Variants in NEFH observed in about 807,000 individuals in gnomAD.
NEFH encodes the protein neurofilament heavy polypeptide.
Under a neutral mutation model 56.6 loss-of-function variants are expected in NEFH, and 58 were observed. That is an observed-to-expected ratio of 1.03 (90% confidence interval 0.83 to 1.28). The LOEUF (loss-of-function observed/expected upper bound fraction) is 1.28, where lower values mean the gene tolerates loss of function less well. Ranked by LOEUF, NEFH falls within the 50% of genes most tolerant of loss-of-function variation. The pLI, the probability that NEFH is intolerant of heterozygous loss-of-function variation, is 0.00. For missense variants in NEFH, 1,221 were observed against 1,307.6 expected, an observed-to-expected ratio of 0.93 and a Z score of 1.02; for synonymous variants, 542 against 545.8, an observed-to-expected ratio of 0.99 and a Z score of 0.10.
In NEFH at chr22:29,483,430, A is replaced by T. The variant is rs754015724; in HGVS notation, c.939A>T (p.Ser313=). The change falls in exon 2 of 4, where the codon TCA becomes TCT. Residue 313 remains serine (S), a synonymous_variant. Transcript: ENST00000310624. ...AAKVNTDAMR[S]AQEEITEYRR... Reference sequence around the variant, plus strand: ...AGGTGAACACAGACGCTATGCGCTCAGCGCAGGAGGAGATAACTGAGTACC... The same window carrying T: ...AGGTGAACACAGACGCTATGCGCTCTGCGCAGGAGGAGATAACTGAGTACC... The T allele has an allele frequency of 1.5e-5, 25 of 1,613,868 alleles. No homozygotes were observed.
In NEFH at chr22:29,490,056, G is replaced by C; in HGVS notation, c.2416G>C (p.Asp806His). ...PEKAKSPLKE[D>H]AKAPEKEIPK... The stretch of plus-strand genomic sequence containing the variant: ...GAAGGCGAAATCTCCCCTGAAGGAG[G>C]ATGCCAAGGCCCCTGAGAAGGAGAT... The change falls in exon 4 of 4, where the codon GAT (aspartate) becomes CAT (histidine). Residue 806 changes from aspartate (D) to histidine (H), a missense_variant. Asp to His is a moderately conservative substitution (Grantham distance 81). Transcript: ENST00000310624. 2 of 1,613,954 alleles carry C rather than the reference G, an allele frequency of 1.2e-6. No homozygotes were observed. The highest frequency in any genetic ancestry group is 2.2e-5 in the South Asian group (2 of 91,068).
Position 29,489,897 on chromosome 22 carries a change from C to T in NEFH, c.2257C>T (p.Pro753Ser). The T allele has an allele frequency of 6.2e-7, 1 of 1,613,594 alleles. No individual in the cohort carries two copies. Among genetic ancestry groups the T allele is most frequent in the Non-Finnish European group, 8.5e-7 (1 of 1,179,938 alleles). ...TAAGTCCCCAGAGAAGGCCAAGTCC[C>T]CAGAGAAGGCCAAGACTCTTGATGT... ...EAKSPEKAKS[P>S]EKAKTLDVKS... The change falls in exon 4 of 4, where the codon CCA becomes TCA. Residue 753 changes from proline (P) to serine (S), a missense_variant. Pro to Ser is a moderately conservative substitution (Grantham distance 74). Around this residue, in one of 4 missense-constraint regions of NEFH, gnomAD observed 301 missense variants for 346.6 expected, o/e 0.87. Coordinates refer to ENST00000310624, the MANE Select transcript of NEFH (RefSeq NM_021076.4).
In NEFH at chr22:29,480,251, C is replaced by G. The variant is rs1348943209; in HGVS notation, c.-12C>G. ...TCCCGCCCCGTCCCGGCCTCGCGCA[C>G]CTGCTCAGGCCATGATGAGCTTCGG... On this transcript the variant is annotated 5_prime_UTR_variant, in exon 1 of 4. Transcript: ENST00000310624. The G allele has an allele frequency of 3.3e-6, 5 of 1,502,436 alleles. No homozygotes were observed. In the South Asian group the frequency reaches 5.0e-5, roughly 15 times the overall value. 93.1% of individuals were successfully genotyped at this position (1,502,436 alleles called of 1,614,324 possible). A position where few individuals can be genotyped will look rare whatever the true frequency, so the allele number is the denominator to read the frequency against.
chr22:29,488,992 A>G lies in NEFH; in HGVS notation c.1352A>G (p.Glu451Gly). Residue 451 changes from glutamate (E) to glycine (G), a missense_variant, in exon 4 of 4, where the codon GAG becomes GGG. By Grantham distance (98) the Glu-to-Gly change is moderately conservative. Transcript: ENST00000310624. ...EEKIKVVEKSEKETVIVEEQT... is the reference protein window; with the variant it reads ...EEKIKVVEKSGKETVIVEEQT... ...AAGATCAAAGTGGTGGAGAAGTCTG[A>G]GAAAGAAACTGTGATTGTGGAGGAA... The G allele has an allele frequency of 6.2e-7, 1 of 1,614,244 alleles. No individual in the cohort carries two copies. The highest frequency in any genetic ancestry group is 1.3e-5 in the African/African-American group (1 of 75,066).
In NEFH at chr22:29,491,337, A is replaced by G. The variant is rs986415263; in HGVS notation, c.*634A>G. On this transcript the variant is annotated 3_prime_UTR_variant, in exon 4 of 4. Coordinates refer to ENST00000310624, the MANE Select transcript of NEFH (RefSeq NM_021076.4). ...TCCCTGGGAAGGCTGGGGGCAGGGC[A>G]GGGGAGGTCTGGATGTGACACCCCA... 1.0e-5 allele frequency: 2 copies of G among 195,342 alleles called. No individual in the cohort carries two copies. The highest frequency in any genetic ancestry group is 9.8e-5 in the South Asian group (1 of 10,222). The allele number at this position is 195,342 out of a possible 1,614,324, so 12.1% of individuals were successfully genotyped here.
chr22:29,490,830 G>C lies in NEFH; in HGVS notation c.*127G>C, dbSNP rs1264160876. 1.3e-6 allele frequency: 2 copies of C among 1,522,454 alleles called. No individual in the cohort carries two copies. Among genetic ancestry groups the C allele is most frequent in the African/African-American group, 1.4e-5 (1 of 72,668 alleles). The allele number at this position is 1,522,454 out of a possible 1,614,324, so 94.3% of individuals were successfully genotyped here. A position where few individuals can be genotyped will look rare whatever the true frequency, so the allele number is the denominator to read the frequency against. On this transcript the variant is annotated 3_prime_UTR_variant, in exon 4 of 4. Coordinates refer to ENST00000310624, the MANE Select transcript of NEFH (RefSeq NM_021076.4). ...AAGAAGAAACTGCTTAGATGACGGG[G>C]CCTCCTTCTTCAAACAGGAATTTCT...
At chr22:29,486,213 CAG>C (rs926446727) in intron 3 of NEFH, among the ~76,000 whole-genome samples, 5 of 150,490 alleles carry the variant, frequency 3.3e-5, no homozygotes, top group Non-Finnish European at 5.9e-5. Flanking sequence ...TTAGTAGAAA[CAG>C]GGTTTCACCA....
At position 29,480,673 on chromosome 22, in the gene NEFH, G is replaced by T. The variant is rs1192029109; in HGVS notation, c.411G>T (p.Ala137=). ...CTGCGGCGCTGCGGCAGCAGCAGGC[G>T]GGCCGCTCCGCTATGGGCGAGCTGT... ...GEAAALRQQQ[A]GRSAMGELYE... Residue 137 remains alanine (A), a synonymous_variant, in exon 1 of 4, where the codon GCG becomes GCT. Coordinates refer to ENST00000310624, the MANE Select transcript of NEFH (RefSeq NM_021076.4). 5.2e-6 allele frequency: 8 copies of T among 1,545,738 alleles called. No homozygotes were observed. The highest frequency in any genetic ancestry group is 1.4e-5 in the African/African-American group (1 of 73,660).
At chr22:29,487,760 G>A (rs1445520537) in intron 3 of NEFH, among the ~76,000 whole-genome samples, 6 of 150,694 alleles carry the variant, frequency 4.0e-5, no homozygotes, top group African/African-American at 7.3e-5. Context: ...GGAAGTACTA[G>A]TCTGAGGGGT....
intron 1 of NEFH, 117 bp downstream of exon 1, chr22:29,481,262 C>T (rs1013983132): frequency 9.7e-7 from 1 of 1,028,420 alleles, no homozygotes. Flanking sequence ...CGCTGCTCAC[C>T]TTCCCTCTGC....
Position 29,483,584 on chromosome 22 carries a change from G to T in NEFH, c.1083+10G>T. The T allele has an allele frequency of 6.2e-7, 1 of 1,613,116 alleles. No homozygotes were observed. The highest frequency in any genetic ancestry group is 8.5e-7 in the Non-Finnish European group (1 of 1,179,914). ...CATTGCCTCCTACCAGGTGGGCAGG[G>T]GCAAGGCAGACAGCCAGACTGCCTT... On this transcript the variant is annotated intron_variant, in intron 2 of 3. Coordinates refer to ENST00000310624, the MANE Select transcript of NEFH (RefSeq NM_021076.4).
Position 29,480,503 on chromosome 22 carries a change from A to G in NEFH, c.241A>G (p.Ser81Gly). Residue 81 changes from serine to glycine, a missense_variant, in exon 1 of 4, where the codon AGC becomes GGC. Physicochemically the swap from Ser to Gly is moderately conservative, Grantham distance 56. Coordinates refer to ENST00000310624, the MANE Select transcript of NEFH (RefSeq NM_021076.4). ...ASSTDSLDTL[S>G]NGPEGCMVAV... is the part of the protein sequence containing the mutation. Reference sequence around the variant, plus strand: ...AAGCACCGACTCGCTGGACACGCTGAGCAACGGGCCGGAGGGCTGCATGGT... The same window carrying G: ...AAGCACCGACTCGCTGGACACGCTGGGCAACGGGCCGGAGGGCTGCATGGT... 6.5e-7 allele frequency: 1 copy of G among 1,534,386 alleles called. No individual in the cohort carries two copies. The highest frequency in any genetic ancestry group is 8.7e-7 in the Non-Finnish European group (1 of 1,146,814).
rs2063006185 is a variant in NEFH at position 29,481,139 on chromosome 22, T to C, written c.877T>C (p.Phe293Leu). 1 of 1,382,156 alleles carries C rather than the reference T, an allele frequency of 7.2e-7. No individual in the cohort carries two copies. Among genetic ancestry groups the C allele is most frequent in the South Asian group, 1.2e-5 (1 of 81,856 alleles). The allele number at this position is 1,382,156 out of a possible 1,614,324, so 85.6% of individuals were successfully genotyped here. The change falls in exon 1 of 4, where the codon TTC (phenylalanine) becomes CTC (leucine). Residue 293 changes from phenylalanine to leucine, a missense_variant. Phe to Leu is a conservative substitution (Grantham distance 22). This residue lies in a region of NEFH where 640 missense variants were observed against 555.5 expected (regional missense o/e 1.15). Transcript: ENST00000310624. ...GAGCACGCTGCAGTCCGAGGAGTGG[T>C]TCCGAGGTACGCAGGCGCGCGGGTG... ...VQSTLQSEEW[F>L]RVRLDRLSEA...
rs376487122 is a variant in NEFH, at chr22:29,488,810, C to T, written c.1209-39C>T. ...GAAGAACCCAAATAGTGAATTTGCC[C>T]TGAGTTTATACTAATGTGTTCCGTG... On this transcript the variant is annotated intron_variant, in intron 3 of 3. Coordinates refer to ENST00000310624, the MANE Select transcript of NEFH (RefSeq NM_021076.4). 244 of 1,605,262 alleles carry T rather than the reference C, an allele frequency of 1.5e-4. 1 individual carries two copies. The highest frequency in any genetic ancestry group is 5.0e-4 in the Middle Eastern group (3 of 6,038).
chr22:29,481,016 C>T lies in NEFH; in HGVS notation c.754C>T (p.Gln252Ter). ...LGQIQGSGAA[Q>*]AQMQAETRDA... ...CCAGATCCAGGGCTCCGGCGCCGCG[C>T]AGGCGCAGATGCAGGCCGAGACGCG... Residue 252 changes from glutamine (Q) to a stop codon, truncating the protein, a stop_gained, in exon 1 of 4, where the codon CAG becomes TAG. Transcript: ENST00000310624. LOFTEE classifies it high-confidence loss of function. 6.5e-7 allele frequency: 1 copy of T among 1,531,676 alleles called. No individual in the cohort carries two copies. Among genetic ancestry groups the T allele is most frequent in the Non-Finnish European group, 8.7e-7 (1 of 1,145,442 alleles). 94.9% of individuals were successfully genotyped at this position (1,531,676 alleles called of 1,614,324 possible).
intron 1 of NEFH, among the ~76,000 whole-genome samples, chr22:29,483,082 C>G (rs1046971072): frequency 6.6e-6 from 1 of 151,944 alleles, no homozygotes; most frequent in African/African-American, 2.4e-5. Context: ...AGTTCAAGAC[C>G]GCCTGGCGAA....
At position 29,481,386 on chromosome 22, in the gene NEFH, A is replaced by T. The variant is rs13054870; in HGVS notation, c.883+241A>T. Among the ~76,000 whole-genome samples the T allele has an allele frequency of 6.5e-3, 991 of 151,522 alleles. 7 individuals are homozygous for T. Among genetic ancestry groups the T allele is most frequent in the Non-Finnish European group, 0.011 (777 of 67,854 alleles). ...CCAGGTTCTTTACGGCTGTACTTCA[A>T]CTCTGGGCCCCCTGCTGCTCTCTAC... On this transcript the variant is annotated intron_variant, in intron 1 of 3. Coordinates refer to ENST00000310624, the MANE Select transcript of NEFH (RefSeq NM_021076.4).
rs771159816 is a variant in NEFH at position 29,490,809 on chromosome 22, A to G, written c.*106A>G. ...TCACTTTTTCTGTCTTTATGTAAGA[A>G]GAAACTGCTTAGATGACGGGGCCTC... On this transcript the variant is annotated 3_prime_UTR_variant, in exon 4 of 4. Coordinates refer to ENST00000310624, the MANE Select transcript of NEFH (RefSeq NM_021076.4). 468 of 1,555,260 alleles carry G rather than the reference A, an allele frequency of 3.0e-4. No individual in the cohort carries two copies. Among genetic ancestry groups the G allele is most frequent in the Non-Finnish European group, 3.8e-4 (443 of 1,152,498 alleles).
At chr22:29,481,406 C>T (rs1026863408) in intron 1 of NEFH, among the ~76,000 whole-genome samples, 2 of 152,116 alleles carry the variant, frequency 1.3e-5, no homozygotes, top group Admixed American at 6.5e-5. Context: ...CCCTGCTGCT[C>T]TCTACCCCAA....
Sources: allele counts gnomAD v4.1 joint callset (sites outside exome capture counted in the v4.1 genomes callset), GRCh38; gene constraint gnomAD v4.1.1; regional missense constraint gnomAD v4.1.1; transcripts MANE v1.5; gene names NCBI Gene and HGNC (gene_info 2026-07-23, HGNC 2026-07-21).